Variants in IFT80 observed in about 807,000 individuals in gnomAD.
The protein encoded by IFT80 is intraflagellar transport 80.
A neutral mutation model predicts 107.9 loss-of-function variants in IFT80; 79 were observed. That is an observed-to-expected ratio of 0.73 (90% CI 0.61 to 0.88). The LOEUF is 0.88. IFT80 is among the 40% of genes least tolerant of loss of function. IFT80 has a pLI of 0.00. For missense variants in IFT80, 797 were observed against 914.2 expected (o/e 0.87, Z 1.65); for synonymous variants, 299 against 300.9 (o/e 0.99, Z 0.07).
intron 8 of IFT80, among the ~76,000 whole-genome samples, chr3:160,353,630 C>T (rs6809153): frequency 0.39 from 59,701 of 151,982 alleles, 12,754 homozygotes; most frequent in Non-Finnish European, 0.49. Context: ...ACTACTAATT[C>T]TTCAAGGCTC....
Position 160,279,331 on chromosome 3 carries a change from A to G in IFT80, c.1698T>C (p.Phe566=). Residue 566 remains phenylalanine, a synonymous_variant, in exon 16 of 20, where the codon TTT becomes TTC. Coordinates refer to ENST00000326448, the MANE Select transcript of IFT80 (RefSeq NM_020800.3). The stretch of plus-strand genomic sequence containing the variant: ...TTCTAATAGTTACTTGATTTCCAAC[A>G]AAACTCACAATATGGGGATTTTTAC... ...EFSKNPHIVS[F]VGNQVTIRRA... The G allele has an allele frequency of 6.2e-7, 1 of 1,613,516 alleles. No individual in the cohort carries two copies. The highest frequency in any genetic ancestry group is 8.5e-7 in the Non-Finnish European group (1 of 1,179,534).
chr3:160,274,247 G>A (rs931203236), intron 18 of IFT80, among the ~76,000 whole-genome samples: 1 of 152,192 alleles, frequency 6.6e-6, no homozygotes, highest in African/African-American at 2.4e-5. Flanking sequence ...GTAGAGTGGA[G>A]AGAATAAATT....
intron 12 of IFT80, among the ~76,000 whole-genome samples, chr3:160,289,753 A>G (rs1715386606): frequency 6.6e-6 from 1 of 152,216 alleles, no homozygotes; most frequent in Non-Finnish European, 1.5e-5. Context: ...TGGTCTACCA[A>G]TTTAATCAAG....
Position 160,374,349 on chromosome 3 carries a change from C to T in IFT80, c.439+1463G>A, listed in dbSNP as rs184003324. Among the ~76,000 whole-genome samples the T allele has an allele frequency of 6.8e-3, 1,018 of 149,508 alleles. 8 individuals are homozygous for T. The highest frequency in any genetic ancestry group is 0.011 in the Non-Finnish European group (769 of 67,638). ...GATTGAGTCCAGGAGGAGGAGGTTA[C>T]AGTGAGCCAAGATGGTGCCACTGTA... On this transcript the variant is annotated intron_variant, in intron 5 of 19. Transcript: ENST00000326448.
intron 8 of IFT80, among the ~76,000 whole-genome samples, chr3:160,324,093 T>A (rs771184172): frequency 1.6e-4 from 24 of 152,180 alleles, no homozygotes; most frequent in Middle Eastern, 6.8e-3. Flanking sequence ...AAGTTGAATC[T>A]CTGAATAGAC....
chr3:160,307,864 CA>C (rs771436900), intron 9 of IFT80, 83 bp from the exon 10 acceptor site: 32 of 767,894 alleles, frequency 4.2e-5, no homozygotes, highest in Non-Finnish European at 6.2e-5. Context: ...TTTTGAAACA[CA>C]AAAAATTAAA....
chr3:160,302,518 T>G (rs1576776839), intron 11 of IFT80, among the ~76,000 whole-genome samples: 1 of 152,086 alleles, frequency 6.6e-6, no homozygotes, highest in Admixed American at 6.6e-5. Flanking sequence ...AACACCCTGT[T>G]TGAAGGGGCA....
chr3:160,397,958 T>A (rs1348563737), intron 1 of IFT80, among the ~76,000 whole-genome samples: 1 of 152,080 alleles, frequency 6.6e-6, no homozygotes, highest in African/African-American at 2.4e-5. Context: ...CAACCTCAGG[T>A]GATCCGCATA....
chr3:160,316,487 T>G (rs1288972143), intron 9 of IFT80, among the ~76,000 whole-genome samples: 1 of 152,194 alleles, frequency 6.6e-6, no homozygotes, highest in Non-Finnish European at 1.5e-5. Context: ...TTTAAGCCAC[T>G]ATGTTTAGGG....
intron 19 of IFT80, among the ~76,000 whole-genome samples, chr3:160,260,779 C>G (rs1373218273): frequency 6.6e-6 from 1 of 152,176 alleles, no homozygotes; most frequent in Non-Finnish European, 1.5e-5. Context: ...ATTCTACTCG[C>G]TAGCCAATTC....
At chr3:160,264,595 C>T (rs188327075) in intron 19 of IFT80, among the ~76,000 whole-genome samples, 2 of 143,712 alleles carry the variant, frequency 1.4e-5, no homozygotes, top group South Asian at 2.2e-4. Context: ...CCATGTCCAG[C>T]TAACTTTTTT....
At chr3:160,277,524 T>A (rs968751669) in intron 17 of IFT80, 46 bp from the exon 18 acceptor site, 2 of 1,575,918 alleles carry the variant, frequency 1.3e-6, no homozygotes, top group African/African-American at 2.7e-5. Flanking sequence ...AACAGAAATA[T>A]AATAAATTAC....
chr3:160,337,856 C>T (rs985144313), intron 8 of IFT80, among the ~76,000 whole-genome samples: 1 of 151,966 alleles, frequency 6.6e-6, no homozygotes, highest in Admixed American at 6.6e-5. Flanking sequence ...AAGTGTTAGC[C>T]ATCTGGGTCA....
intron 11 of IFT80, 23 bp downstream of exon 11, chr3:160,303,892 A>T (rs762250965): frequency 1.4e-6 from 2 of 1,459,488 alleles, no homozygotes; most frequent in South Asian, 2.3e-5. Flanking sequence ...CCCCAGATCC[A>T]GTAGTTAAAC....
At chr3:160,380,815 T>C (rs1003440333) in intron 3 of IFT80, among the ~76,000 whole-genome samples, 10 of 152,216 alleles carry the variant, frequency 6.6e-5, no homozygotes, top group Admixed American at 6.5e-4. Flanking sequence ...ATAAAGTATG[T>C]ATTTTAACAG....
At chr3:160,286,971 A>G (rs549070076) in intron 12 of IFT80, among the ~76,000 whole-genome samples, 1 of 152,236 alleles carries the variant, frequency 6.6e-6, no homozygotes, top group East Asian at 1.9e-4. Context: ...CAGATCAAGC[A>G]TGTGGTTAGA....
chr3:160,294,218 A>G (rs574947271), intron 12 of IFT80, among the ~76,000 whole-genome samples: 1 of 151,922 alleles, frequency 6.6e-6, no homozygotes, highest in South Asian at 2.1e-4. Flanking sequence ...TTTGTCCTTA[A>G]CTTTTTTTTT....
intron 19 of IFT80, among the ~76,000 whole-genome samples, chr3:160,264,090 C>G (rs1366180541): frequency 6.6e-6 from 1 of 151,828 alleles, no homozygotes; most frequent in African/African-American, 2.4e-5. Flanking sequence ...GCTTGAGCCA[C>G]TGCGCATAGC....
intron 8 of IFT80, among the ~76,000 whole-genome samples, chr3:160,355,705 TA>T (rs1721027465): frequency 6.6e-6 from 1 of 152,212 alleles, no homozygotes; most frequent in South Asian, 2.1e-4. Context: ...AAAAAAAGTT[TA>T]AAACTGAATT....
Sources: gnomAD v4.1 joint callset for allele counts (sites outside exome capture counted in the v4.1 genomes callset) on GRCh38, gnomAD v4.1.1 for gene constraint, MANE v1.5 for transcripts, NCBI Gene and HGNC (gene_info 2026-07-23, HGNC 2026-07-21) for gene names.